The following RAD51 variants were observed in gnomAD, a reference collection of about 807,000 sequenced individuals.
RAD51 encodes DNA repair protein RAD51 homolog 1.
In RAD51, 14 loss-of-function variants were observed where a neutral mutation model predicts 41.5. The ratio of observed to expected loss-of-function variants is 0.34; its 90% CI spans 0.22 to 0.53. RAD51 has a LOEUF of 0.53. RAD51 is among the 20% of genes least tolerant of loss of function. The pLI is 0.95. For missense variants in RAD51, 234 were observed against 422.0 expected, an observed-to-expected ratio of 0.55 and a Z score of 3.90; for synonymous variants, 136 against 148.6, an observed-to-expected ratio of 0.92 and a Z score of 0.62.
intron 5 of RAD51, 146 bp from the exon 6 acceptor site, chr15:40,718,659 G>A (rs1441923139): frequency 1.4e-6 from 1 of 711,456 alleles, no homozygotes; most frequent in Non-Finnish European, 2.5e-6. Flanking sequence ...ATTAATATCA[G>A]AAGGGAATGC....
intron 3 of RAD51, 68 bp downstream of exon 3, chr15:40,701,269 A>T (rs1894969151): frequency 4.5e-6 from 7 of 1,540,560 alleles, no homozygotes; most frequent in Admixed American, 1.7e-5. Flanking sequence ...GTAGTGAAAG[A>T]CTTCTTCCTT....
intron 4 of RAD51, among the ~76,000 whole-genome samples, chr15:40,706,609 G>C (rs1360048757): frequency 1.3e-5 from 2 of 152,158 alleles, no homozygotes; most frequent in Non-Finnish European, 2.9e-5. Flanking sequence ...GGCAGAGGCA[G>C]GAGAATCACT....
At chr15:40,711,586 T>C (rs1020331394) in intron 5 of RAD51, among the ~76,000 whole-genome samples, 3 of 152,186 alleles carry the variant, frequency 2.0e-5, no homozygotes, top group Non-Finnish European at 4.4e-5. Context: ...GAATACTTTA[T>C]GGAGAAAAGA....
chr15:40,721,141 C>T (rs1195292403), intron 6 of RAD51, among the ~76,000 whole-genome samples: 1 of 152,214 alleles, frequency 6.6e-6, no homozygotes, highest in African/African-American at 2.4e-5. Flanking sequence ...TGAGATCGCG[C>T]CACTGCACTC....
chr15:40,721,763 A>G (rs1283434848), intron 6 of RAD51, among the ~76,000 whole-genome samples: 6 of 152,224 alleles, frequency 3.9e-5, no homozygotes, highest in Non-Finnish European at 5.9e-5. Context: ...AAATTAAAAT[A>G]GATAACAGTG....
intron 2 of RAD51, among the ~76,000 whole-genome samples, chr15:40,700,516 A>T (rs909908695): frequency 6.6e-6 from 1 of 152,190 alleles, no homozygotes. Flanking sequence ...GTGGTCTTGT[A>T]GGGCCCAAGG....
In RAD51 at chr15:40,730,521, T is replaced by TTTTTTTTTTTTCTTTTC. The variant is rs1555429749; in HGVS notation, c.897-523_897-522insCTTTTCTTTTTTTTTTT. On this transcript the variant is annotated intron_variant, in intron 9 of 9. Coordinates refer to ENST00000267868, the MANE Select transcript of RAD51 (RefSeq NM_002875.5). ...CACTGTCTTGAAAAAATTTTTTTTC[T>TTTTTTTTTTTTCTTTTC]TTTTTTTTTTTTTTTTTTGAGATGG... 2.3e-3 allele frequency among the ~76,000 whole-genome samples: 217 copies of TTTTTTTTTTTTCTTTTC among 92,678 alleles called. 2 individuals are homozygous for TTTTTTTTTTTTCTTTTC. Among genetic ancestry groups the TTTTTTTTTTTTCTTTTC allele is most frequent in the African/African-American group, 0.011 (209 of 19,578 alleles). The allele number at this position is 92,678 out of a possible 152,430, so 60.8% of individuals were successfully genotyped here.
rs1203017604 is a variant in RAD51, at chr15:40,732,147, A to G, written c.*969A>G. The G allele has an allele frequency of 1.1e-5, 2 of 190,092 alleles. No homozygotes were observed. Among genetic ancestry groups the G allele is most frequent in the African/African-American group, 4.7e-5 (2 of 42,852 alleles). 11.8% of individuals were successfully genotyped at this position (190,092 alleles called of 1,614,324 possible). On this transcript the variant is annotated 3_prime_UTR_variant, in exon 10 of 10. Coordinates refer to ENST00000267868, the MANE Select transcript of RAD51 (RefSeq NM_002875.5). ...TTGTGAGGCTTCTAATAAAGTAGTT[A>G]TTAGTAGTGAATGTGCTGTTTATAG...
At chr15:40,710,269 AAG>A (rs1895626257) in intron 5 of RAD51, among the ~76,000 whole-genome samples, 14 of 104,346 alleles carry the variant, frequency 1.3e-4, no homozygotes, top group African/African-American at 4.7e-4. Flanking sequence ...AAAAAAAAAA[AAG>A]AAGAAGAAAA....
At chr15:40,703,802 T>C (rs1895150024) in intron 3 of RAD51, among the ~76,000 whole-genome samples, 1 of 152,146 alleles carries the variant, frequency 6.6e-6, no homozygotes, top group Non-Finnish European at 1.5e-5. Context: ...TTTTCTCTAT[T>C]ATTCTGCCCT....
At chr15:40,714,706 G>A (rs775679659) in intron 5 of RAD51, among the ~76,000 whole-genome samples, 4 of 152,228 alleles carry the variant, frequency 2.6e-5, no homozygotes, top group Non-Finnish European at 4.4e-5. Flanking sequence ...TAGAGAGGAT[G>A]TTAGACTATT....
chr15:40,729,449 G>C, intron 7 of RAD51, 56 bp from the exon 8 acceptor site: 1 of 1,588,492 alleles, frequency 6.3e-7, no homozygotes, highest in Non-Finnish European at 8.6e-7. Flanking sequence ...GTAAGGAAGG[G>C]ACCAGAATCT....
At chr15:40,724,423 T>A (rs1307933365) in intron 6 of RAD51, among the ~76,000 whole-genome samples, 2 of 152,170 alleles carry the variant, frequency 1.3e-5, no homozygotes, top group African/African-American at 2.4e-5. Context: ...ACAAGAACTT[T>A]GATTTGGTCA....
chr15:40,719,806 T>G (rs1896180251), intron 6 of RAD51, among the ~76,000 whole-genome samples: 1 of 149,614 alleles, frequency 6.7e-6, no homozygotes, highest in Non-Finnish European at 1.5e-5. Flanking sequence ...CACTCCAGCC[T>G]GGGCGACAGA....
At chr15:40,718,505 G>C (rs1896098427) in intron 5 of RAD51, among the ~76,000 whole-genome samples, 1 of 141,952 alleles carries the variant, frequency 7.0e-6, no homozygotes, top group Non-Finnish European at 1.5e-5. Context: ...GCAACAGTGA[G>C]ACTATCGCAA....
At chr15:40,717,841 T>G (rs1428710212) in intron 5 of RAD51, among the ~76,000 whole-genome samples, 1 of 152,228 alleles carries the variant, frequency 6.6e-6, no homozygotes, top group African/African-American at 2.4e-5. Context: ...AACTGGGCTT[T>G]GGATCATGGC....
rs1378595003 is a variant in RAD51, at chr15:40,732,065, AGAGT to A, written c.*891_*894del. ...ACTGCTGCATTCCAGCCAGGGTGAC[AGAGT>A]GAGACCATGTTTCAAACAAGAAACA... On this transcript the variant is annotated 3_prime_UTR_variant, in exon 10 of 10. Coordinates refer to ENST00000267868, the MANE Select transcript of RAD51 (RefSeq NM_002875.5). 3 of 209,154 alleles carry A rather than the reference AGAGT, an allele frequency of 1.4e-5. No individual in the cohort carries two copies. The highest frequency in any genetic ancestry group is 1.2e-4 in the Admixed American group (2 of 16,888). 13.0% of individuals were successfully genotyped at this position (209,154 alleles called of 1,614,324 possible).
intron 6 of RAD51, among the ~76,000 whole-genome samples, chr15:40,721,881 G>A (rs1221640146): frequency 6.6e-6 from 1 of 152,146 alleles, no homozygotes; most frequent in African/African-American, 2.4e-5. Context: ...GGACAGCGAT[G>A]TTCATAGCAG....
chr15:40,724,692 T>A (rs969195886), intron 6 of RAD51, among the ~76,000 whole-genome samples: 7 of 130,010 alleles, frequency 5.4e-5, no homozygotes, highest in African/African-American at 2.0e-4. Context: ...TTTTTTTTTT[T>A]TTTTTGAGAC....
Sources: gnomAD v4.1 joint callset for allele counts (sites outside exome capture counted in the v4.1 genomes callset) on GRCh38, gnomAD v4.1.1 for gene constraint, MANE v1.5 for transcripts, NCBI Gene and HGNC (gene_info 2026-07-23, HGNC 2026-07-21) for gene names.